Variants in FOXN3 observed in about 807,000 individuals in gnomAD.
FOXN3 encodes the protein forkhead box protein N3.
In FOXN3, 7 loss-of-function variants were observed where a neutral mutation model predicts 38.4. The ratio of observed to expected loss-of-function variants is 0.18; its 90% CI spans 0.10 to 0.34. The LOEUF is 0.34. Ranked by LOEUF, FOXN3 falls within the 10% of genes least tolerant of loss-of-function variation. FOXN3 has a pLI of 1.00. For synonymous variants in FOXN3, 230 were observed against 242.2 expected (o/e 0.95, Z 0.47); for missense variants, 456 against 613.4 (o/e 0.74, Z 2.71).
chr14:89,515,793 T>C (rs2139814739), intron 1 of FOXN3, among the ~76,000 whole-genome samples: 1 of 152,256 alleles, frequency 6.6e-6, no homozygotes, highest in East Asian at 1.9e-4. Flanking sequence ...ATAACGTGTA[T>C]GGAAAAGTTA....
intron 1 of FOXN3, among the ~76,000 whole-genome samples, chr14:89,413,807 G>C (rs1891612728): frequency 6.9e-6 from 1 of 144,126 alleles, no homozygotes; most frequent in Non-Finnish European, 1.5e-5. Context: ...AGAAAGGAAG[G>C]GAAAGAGAAG....
chr14:89,263,765 TG>T (rs1363256394), intron 4 of FOXN3: 2 of 152,214 alleles, frequency 1.3e-5, no homozygotes, highest in Non-Finnish European at 2.9e-5. Flanking sequence ...CAATTTACCA[TG>T]TAATTGCCAG....
intron 2 of FOXN3, among the ~76,000 whole-genome samples, chr14:89,377,312 A>AAAATAAATAAATAAATAAATAAATAAAT (rs34397438): frequency 6.0e-5 from 9 of 149,644 alleles, no homozygotes; most frequent in African/African-American, 2.2e-4. Flanking sequence ...ATGCTGGTAA[A>AAAATAAATAAATAAATAAATAAATAAAT]AAATAAATAA....
intron 1 of FOXN3, among the ~76,000 whole-genome samples, chr14:89,441,452 G>T (rs935750038): frequency 6.6e-6 from 1 of 152,152 alleles, no homozygotes; most frequent in African/African-American, 2.4e-5. Flanking sequence ...GTAATAAGCC[G>T]GGGCAAGAGG....
chr14:89,431,208 T>A (rs2140113763), intron 1 of FOXN3, among the ~76,000 whole-genome samples: 1 of 152,284 alleles, frequency 6.6e-6, no homozygotes, highest in East Asian at 1.9e-4. Context: ...TGTTTGCTTG[T>A]TTCTTTGAGA....
At chr14:89,357,508 T>A (rs1344825612) in intron 2 of FOXN3, among the ~76,000 whole-genome samples, 2 of 151,422 alleles carry the variant, frequency 1.3e-5, no homozygotes, top group African/African-American at 4.9e-5. Flanking sequence ...CTTGGGAGCC[T>A]GAGGCAAGAG....
At chr14:89,267,808 C>T (rs1297131399) in intron 4 of FOXN3, among the ~76,000 whole-genome samples, 2 of 152,020 alleles carry the variant, frequency 1.3e-5, no homozygotes, top group Non-Finnish European at 2.9e-5. Flanking sequence ...AGTATGCGTG[C>T]GTGTTGGCGG....
chr14:89,299,200 T>C (rs1175112135), intron 3 of FOXN3, among the ~76,000 whole-genome samples: 1 of 152,206 alleles, frequency 6.6e-6, no homozygotes, highest in Non-Finnish European at 1.5e-5. Flanking sequence ...AATCCCCAAG[T>C]GTCAAGGGTG....
intron 1 of FOXN3, among the ~76,000 whole-genome samples, chr14:89,461,287 A>G (rs2139728088): frequency 6.6e-6 from 1 of 151,598 alleles, no homozygotes; most frequent in African/African-American, 2.4e-5. Context: ...CATTGAGCCG[A>G]GATCACACCA....
At chr14:89,287,367 G>C (rs1886660671) in intron 3 of FOXN3, among the ~76,000 whole-genome samples, 1 of 152,094 alleles carries the variant, frequency 6.6e-6, no homozygotes, top group Non-Finnish European at 1.5e-5. Flanking sequence ...GGCCAGGCTT[G>C]TCTCGAACTC....
At chr14:89,281,037 A>G (rs765267002) in intron 3 of FOXN3, 23 bp from the exon 4 acceptor site, 3 of 1,608,930 alleles carry the variant, frequency 1.9e-6, no homozygotes, top group South Asian at 2.2e-5. Flanking sequence ...AGAAACTAGC[A>G]TAAGGCCAAG....
chr14:89,597,132 T>C (rs1435658430), intron 1 of FOXN3, among the ~76,000 whole-genome samples: 1 of 152,222 alleles, frequency 6.6e-6, no homozygotes, highest in East Asian at 1.9e-4. Context: ...AGCATTGCTT[T>C]ACATGCATTC....
chr14:89,528,537 C>T (rs900256472), intron 1 of FOXN3, among the ~76,000 whole-genome samples: 2 of 151,748 alleles, frequency 1.3e-5, no homozygotes, highest in Non-Finnish European at 2.9e-5. Context: ...GCTGGGACTA[C>T]AGGCATGTGC....
At chr14:89,167,865 AC>A (rs1000263563) in intron 5 of FOXN3, among the ~76,000 whole-genome samples, 2 of 152,222 alleles carry the variant, frequency 1.3e-5, no homozygotes, top group African/African-American at 4.8e-5. Context: ...TAGAACAAGA[AC>A]CCAAACTCAC....
At chr14:89,434,489 C>CA (rs113136691) in intron 1 of FOXN3, among the ~76,000 whole-genome samples, 52 of 152,196 alleles carry the variant, frequency 3.4e-4, no homozygotes, top group African/African-American at 1.3e-3. Context: ...CTCGGACTCT[C>CA]AAAGTGCTGG....
In FOXN3 at chr14:89,215,557, T is replaced by C. The variant is rs188615445; in HGVS notation, c.746-34751A>G. 7.2e-5 allele frequency among the ~76,000 whole-genome samples: 11 copies of C among 152,306 alleles called. No individual in the cohort carries two copies. In the East Asian group the frequency reaches 1.3e-3, roughly 19 times the overall value. On this transcript the variant is annotated intron_variant, in intron 4 of 5. Coordinates refer to ENST00000557258, the MANE Select transcript of FOXN3 (RefSeq NM_005197.4). ...AAATGCATCCGACCACATTGAATTC[T>C]ACCCGTTTAAAGAAGGTGGGGACTT...
chr14:89,533,812 C>T lies in FOXN3; in HGVS notation c.-15+85216G>A, dbSNP rs542619027. On this transcript the variant is annotated intron_variant, in intron 1 of 6. Coordinates refer to the FOXN3 transcript ENST00000345097. ...CTTCCCTGGAAATCCTAAAGAGCAACGAGAAAAGCTCCCACTTAAGTTGAG... is the reference window on the plus strand; with the variant it reads ...CTTCCCTGGAAATCCTAAAGAGCAATGAGAAAAGCTCCCACTTAAGTTGAG... Among the ~76,000 whole-genome samples the T allele has an allele frequency of 2.2e-4, 33 of 151,884 alleles. No individual in the cohort carries two copies. In the South Asian group the frequency reaches 5.8e-3, roughly 27 times the overall value.
At chr14:89,491,682 C>T (rs1233334556) in intron 1 of FOXN3, among the ~76,000 whole-genome samples, 2 of 152,176 alleles carry the variant, frequency 1.3e-5, no homozygotes, top group African/African-American at 2.4e-5. Context: ...AGCTCTGCCT[C>T]GGGAGGTTTA....
chr14:89,221,074 C>A (rs10132433), intron 4 of FOXN3, among the ~76,000 whole-genome samples: 2,735 of 151,988 alleles, frequency 0.018, 82 homozygotes, highest in African/African-American at 0.062. Context: ...GCAATAGGTA[C>A]AAAACTCTCA....
Sources: allele counts gnomAD v4.1 joint callset (sites outside exome capture counted in the v4.1 genomes callset), GRCh38; gene constraint gnomAD v4.1.1; transcripts MANE v1.5; gene names NCBI Gene and HGNC (gene_info 2026-07-23, HGNC 2026-07-21).